The following MAPK4 variants were observed in gnomAD, a reference collection of about 807,000 sequenced individuals.
The protein encoded by MAPK4 is Erk3-related.
MAPK4 carries 22 observed loss-of-function variants against 47.7 expected under a neutral mutation model. The ratio of observed to expected loss-of-function variants is 0.46; its 90% CI spans 0.33 to 0.66. The LOEUF is 0.66. Among genes scored for constraint, MAPK4 ranks in the 30% least tolerant of loss-of-function variants. MAPK4 has a pLI of 0.02. For missense variants in MAPK4, 736 were observed against 831.7 expected (o/e 0.88, Z 1.42); for synonymous variants, 390 against 365.7 (o/e 1.07, Z -0.76).
Position 50,664,196 on chromosome 18 carries a change from G to C in MAPK4, c.238G>C (p.Val80Leu), listed in dbSNP as rs1040441186. ...RRLDHDNIVK[V>L]YEVLGPKGTD... The stretch of plus-strand genomic sequence containing the variant: ...CCTGGACCACGACAACATCGTCAAA[G>C]TGTACGAGGTGCTCGGTCCCAAGGG... The change falls in exon 2 of 6, where the codon GTG (valine) becomes CTG (leucine). Residue 80 changes from valine to leucine, a missense_variant. Physicochemically the swap from Val to Leu is conservative, Grantham distance 32. Around this residue, in one of 3 missense-constraint regions of MAPK4, gnomAD observed 327 missense variants for 395.4 expected, o/e 0.83. Coordinates refer to ENST00000400384, the MANE Select transcript of MAPK4 (RefSeq NM_002747.4). The surrounding 1 kb of genome is among the most constrained non-coding windows in gnomAD (Gnocchi z 6.0). The C allele has an allele frequency of 1.3e-5, 21 of 1,614,010 alleles. No homozygotes were observed. Among genetic ancestry groups the C allele is most frequent in the Middle Eastern group, 1.6e-4 (1 of 6,084 alleles).
chr18:50,616,185 A>C (rs1045287060), intron 1 of MAPK4, among the ~76,000 whole-genome samples: 2 of 152,132 alleles, frequency 1.3e-5, no homozygotes, highest in African/African-American at 4.8e-5. Context: ...GGGGGATAAA[A>C]GGGTGGGGCT....
chr18:50,641,105 T>G (rs1418035733), intron 1 of MAPK4, among the ~76,000 whole-genome samples: 1 of 152,220 alleles, frequency 6.6e-6, no homozygotes, highest in Non-Finnish European at 1.5e-5. Flanking sequence ...TTGTGACCCA[T>G]GAAGCCAGGC....
intron 1 of MAPK4, among the ~76,000 whole-genome samples, chr18:50,585,929 C>A (rs1349519699): frequency 1.3e-5 from 2 of 152,126 alleles, no homozygotes; most frequent in Non-Finnish European, 2.9e-5. Flanking sequence ...TTACTGCCCC[C>A]ATGATTCAAT....
At chr18:50,594,791 G>A (rs893123446) in intron 1 of MAPK4, among the ~76,000 whole-genome samples, 5 of 152,070 alleles carry the variant, frequency 3.3e-5, no homozygotes, top group Non-Finnish European at 7.4e-5. Context: ...AAATTAATAG[G>A]CAATCCATAG....
At chr18:50,697,129 C>T (rs891810852) in intron 2 of MAPK4, among the ~76,000 whole-genome samples, 1 of 152,120 alleles carries the variant, frequency 6.6e-6, no homozygotes, top group Non-Finnish European at 1.5e-5. Context: ...AGCAGACTCC[C>T]CAGGGGGTTC....
At chr18:50,659,515 T>C (rs1195953638) in intron 1 of MAPK4, among the ~76,000 whole-genome samples, 1 of 152,192 alleles carries the variant, frequency 6.6e-6, no homozygotes, top group Non-Finnish European at 1.5e-5. Context: ...GCCCCAGGAA[T>C]CCCAGAAAGG....
chr18:50,630,372 A>G (rs1184386114), intron 1 of MAPK4, among the ~76,000 whole-genome samples: 1 of 152,140 alleles, frequency 6.6e-6, no homozygotes, highest in South Asian at 2.1e-4. Flanking sequence ...TATTTTTAAC[A>G]GAGACAGGGT....
At chr18:50,615,772 G>A (rs574755865) in intron 1 of MAPK4, among the ~76,000 whole-genome samples, 2 of 152,352 alleles carry the variant, frequency 1.3e-5, no homozygotes, top group South Asian at 2.1e-4. Context: ...CCCAAGTTCA[G>A]TTCTGCTTTT....
chr18:50,648,082 T>G (rs78906661), intron 1 of MAPK4, among the ~76,000 whole-genome samples: 2 of 149,284 alleles, frequency 1.3e-5, no homozygotes, highest in Non-Finnish European at 3.0e-5. Flanking sequence ...ATTCCCAGTA[T>G]GATGGGAAGA....
At position 50,729,540 on chromosome 18, in the gene MAPK4, G is replaced by A; in HGVS notation, c.1450G>A (p.Asp484Asn). 7.0e-7 allele frequency: 1 copy of A among 1,430,066 alleles called. No individual in the cohort carries two copies. The highest frequency in any genetic ancestry group is 9.2e-7 in the Non-Finnish European group (1 of 1,091,814). The allele number at this position is 1,430,066 out of a possible 1,614,324, so 88.6% of individuals were successfully genotyped here. A position where few individuals can be genotyped will look rare whatever the true frequency, so the allele number is the denominator to read the frequency against. ...TGLADTGAREDEPASLFLEIA... is the reference protein window; with the variant it reads ...TGLADTGARENEPASLFLEIA... ...GCTGGCGGACACGGGGGCGCGCGAGGACGAGCCGGCCAGCCTCTTCCTGGA... is the reference window on the plus strand; with the variant it reads ...GCTGGCGGACACGGGGGCGCGCGAGAACGAGCCGGCCAGCCTCTTCCTGGA... Residue 484 changes from aspartate to asparagine, a missense_variant, in exon 6 of 6, where the codon GAC becomes AAC. Physicochemically the swap from Asp to Asn is conservative, Grantham distance 23. Around this residue, in one of 3 missense-constraint regions of MAPK4, gnomAD observed 377 missense variants for 378.6 expected, o/e 1.00. Transcript: ENST00000400384.
chr18:50,616,966 C>T (rs1041974017), intron 1 of MAPK4, among the ~76,000 whole-genome samples: 1 of 152,182 alleles, frequency 6.6e-6, no homozygotes. Flanking sequence ...TATTAACCAT[C>T]ACAAGGCTTA....
intron 1 of MAPK4, among the ~76,000 whole-genome samples, chr18:50,620,905 C>T (rs747888276): frequency 5.9e-5 from 9 of 152,120 alleles, no homozygotes; most frequent in Non-Finnish European, 1.2e-4. Context: ...AGATAACTAT[C>T]AACCTAATAA....
chr18:50,724,663 C>T (rs987162761), intron 4 of MAPK4, among the ~76,000 whole-genome samples: 2 of 152,266 alleles, frequency 1.3e-5, no homozygotes, highest in Non-Finnish European at 2.9e-5. Context: ...TAGGGTTACA[C>T]TGCAGCACTG....
At position 50,664,920 on chromosome 18, in the gene MAPK4, G is replaced by A. The variant is rs1907513154; in HGVS notation, c.546+416G>A. Among the ~76,000 whole-genome samples, 1 of 152,302 alleles carries A rather than the reference G, an allele frequency of 6.6e-6. No homozygotes were observed. Among genetic ancestry groups the A allele is most frequent in the Middle Eastern group, 3.4e-3 (1 of 294 alleles). On this transcript the variant is annotated intron_variant, in intron 2 of 5. Transcript: ENST00000400384. The surrounding 1 kb of genome is among the most constrained non-coding windows in gnomAD (Gnocchi z 6.0). ...AGGCTTCCCACCCTGTGAGCCTCAT[G>A]CTCTGGTTGGTCTCACCTCCCTCAT...
At chr18:50,647,015 A>G (rs1290761406) in intron 1 of MAPK4, among the ~76,000 whole-genome samples, 7 of 152,208 alleles carry the variant, frequency 4.6e-5, no homozygotes, top group Admixed American at 4.6e-4. Flanking sequence ...CATTATTTGC[A>G]TCACATCTGC....
intron 4 of MAPK4, among the ~76,000 whole-genome samples, chr18:50,725,610 C>T (rs1242892599): frequency 6.6e-6 from 1 of 152,128 alleles, no homozygotes; most frequent in Non-Finnish European, 1.5e-5. Context: ...GTTCTGGTTC[C>T]CCCTCACTCC....
At chr18:50,571,451 T>G (rs1035378199) in intron 1 of MAPK4, among the ~76,000 whole-genome samples, 9 of 152,164 alleles carry the variant, frequency 5.9e-5, no homozygotes, top group Non-Finnish European at 1.3e-4. Flanking sequence ...CCATGATTAT[T>G]TTTGGAGGCA....
At chr18:50,660,417 C>T (rs758365238) in intron 1 of MAPK4, among the ~76,000 whole-genome samples, 4 of 152,154 alleles carry the variant, frequency 2.6e-5, no homozygotes, top group Admixed American at 6.5e-5. Context: ...TCACAAGGGA[C>T]AGTGACCACC....
At chr18:50,728,131 C>G (rs1355441752) in intron 5 of MAPK4, among the ~76,000 whole-genome samples, 1 of 152,198 alleles carries the variant, frequency 6.6e-6, no homozygotes, top group Non-Finnish European at 1.5e-5. Context: ...TCTGCCTCTC[C>G]TTGGTCTATC....
Sources: allele counts gnomAD v4.1 joint callset (sites outside exome capture counted in the v4.1 genomes callset), GRCh38; gene constraint gnomAD v4.1.1; regional missense constraint gnomAD v4.1.1; non-coding constraint Gnocchi (gnomAD v3.1); transcripts MANE v1.5; gene names NCBI Gene and HGNC (gene_info 2026-07-23, HGNC 2026-07-21).